Variants in DDX54 observed in about 807,000 individuals in gnomAD.
The protein encoded by DDX54 is DEAD-box helicase 54, also known as ATP-dependent RNA helicase DDX54.
DDX54 carries 67 observed loss-of-function variants against 105.5 expected under a neutral mutation model. The observed-to-expected ratio is 0.64, with a 90% confidence interval of 0.52 to 0.78. DDX54 has a LOEUF of 0.78. DDX54 is among the 30% of genes least tolerant of loss of function. The probability of loss-of-function intolerance (pLI) is 0.00; values close to 1 mark genes in which losing one functional copy is unlikely to be tolerated. For missense variants in DDX54, 1,206 were observed against 1,230.5 expected, an observed-to-expected ratio of 0.98 and a Z score of 0.30; for synonymous variants, 514 against 509.9, an observed-to-expected ratio of 1.01 and a Z score of -0.11.
intron 14 of DDX54, among the ~76,000 whole-genome samples, 194 bp downstream of exon 14, chr12:113,165,450 G>T (rs1046815362): frequency 6.6e-6 from 1 of 152,094 alleles, no homozygotes; most frequent in African/African-American, 2.4e-5. Flanking sequence ...GAGGTTGTCA[G>T]AGCCAAGGCT....
At chr12:113,184,238 G>A (rs560868388) in intron 1 of DDX54, among the ~76,000 whole-genome samples, 1 of 151,974 alleles carries the variant, frequency 6.6e-6, no homozygotes, top group African/African-American at 2.4e-5. Flanking sequence ...GAGCCACCGC[G>A]GCCATCCTAA....
chr12:113,168,073 T>C (rs185430558), intron 12 of DDX54: 4,665 of 398,620 alleles, frequency 0.012, 56 homozygotes, highest in Middle Eastern at 0.031. Context: ...CTCCAGTGAC[T>C]GCACAGGCCG....
chr12:113,171,171 C>A (rs1307541178), intron 11 of DDX54, among the ~76,000 whole-genome samples: 1 of 152,172 alleles, frequency 6.6e-6, no homozygotes, highest in Non-Finnish European at 1.5e-5. Context: ...CAGACAGCAA[C>A]AAGGGGGAAG....
At chr12:113,176,672 T>C (rs1952407457) in intron 7 of DDX54, among the ~76,000 whole-genome samples, 168 bp downstream of exon 7, 1 of 152,214 alleles carries the variant, frequency 6.6e-6, no homozygotes, top group South Asian at 2.1e-4. Flanking sequence ...GCCCCAGAGA[T>C]GAGCTCCAGC....
At position 113,163,468 on chromosome 12, in the gene DDX54, C is replaced by T. The variant is rs548502883; in HGVS notation, c.1939-194G>A. Reference sequence around the variant, plus strand: ...CCCTCAGTTTCCTCATCTGCACACACAGTGCAACCCCTGCCTCAGGGACCA... The same window carrying T: ...CCCTCAGTTTCCTCATCTGCACACATAGTGCAACCCCTGCCTCAGGGACCA... On this transcript the variant is annotated intron_variant, in intron 15 of 19. Coordinates refer to ENST00000306014, the MANE Select transcript of DDX54 (RefSeq NM_024072.4). This position sits in a 1 kb window ranked among gnomAD's most constrained non-coding sequence, Gnocchi z 5.9. 4.6e-5 allele frequency among the ~76,000 whole-genome samples: 7 copies of T among 152,302 alleles called. No homozygotes were observed. The highest frequency in any genetic ancestry group is 1.4e-4 in the African/African-American group (6 of 41,560).
chr12:113,159,322 C>A, intron 19 of DDX54: 1 of 553,162 alleles, frequency 1.8e-6, no homozygotes, highest in Non-Finnish European at 3.1e-6. Context: ...GGTTCAAATC[C>A]CAGCTGTGAC....
chr12:113,179,966 C>T lies in DDX54; in HGVS notation c.344G>A (p.Gly115Glu). 1 of 1,614,124 alleles carries T rather than the reference C, an allele frequency of 6.2e-7. No homozygotes were observed. The highest frequency in any genetic ancestry group is 8.5e-7 in the Non-Finnish European group (1 of 1,180,028). Residue 115 changes from glycine (G) to glutamate (E), a missense_variant, in exon 3 of 20, where the codon GGG becomes GAG. This residue lies in a region of DDX54 where 33 missense variants were observed against 56.0 expected (regional missense o/e 0.59). Coordinates refer to ENST00000306014, the MANE Select transcript of DDX54 (RefSeq NM_024072.4). Reference sequence around the variant, plus strand: ...CTGGATGGGTGTTGGCACCTTGTACCCCTTCTTCATGATGCCTTTGAACAC... The same window carrying T: ...CTGGATGGGTGTTGGCACCTTGTACTCCTTCTTCATGATGCCTTTGAACAC... ...YPVFKGIMKKGYKVPTPIQRK... is the reference protein window; with the variant it reads ...YPVFKGIMKKEYKVPTPIQRK...
chr12:113,173,740 C>T (rs886619078), intron 10 of DDX54, among the ~76,000 whole-genome samples: 2 of 152,174 alleles, frequency 1.3e-5, no homozygotes, highest in Non-Finnish European at 2.9e-5. Context: ...ATGGCAGGGA[C>T]AGGCTTCAAA....
At chr12:113,180,839 C>T in intron 2 of DDX54, 90 bp downstream of exon 2, 1 of 1,587,456 alleles carries the variant, frequency 6.3e-7, no homozygotes, top group African/African-American at 1.4e-5. Context: ...CAGTGCTGGG[C>T]CCAGAGTGGA....
intron 11 of DDX54, among the ~76,000 whole-genome samples, chr12:113,170,630 T>A (rs1469516484): frequency 1.3e-5 from 2 of 152,026 alleles, no homozygotes; most frequent in African/African-American, 4.8e-5. Context: ...CAGAGTGAGA[T>A]CCCGGCCCCC....
intron 10 of DDX54, among the ~76,000 whole-genome samples, chr12:113,173,511 A>T (rs1952362099): frequency 1.3e-5 from 2 of 152,226 alleles, no homozygotes; most frequent in Admixed American, 1.3e-4. Context: ...ACAGGGAGGC[A>T]GGCACCAACG....
chr12:113,174,829 G>A (rs763361046), intron 9 of DDX54, 46 bp downstream of exon 9: 13 of 1,614,184 alleles, frequency 8.1e-6, no homozygotes, highest in Admixed American at 1.7e-5. Flanking sequence ...GGCCTGCAGG[G>A]CCCACCTGGA....
chr12:113,159,061 G>C lies in DDX54; in HGVS notation c.2462C>G (p.Pro821Arg). 6.2e-7 allele frequency: 1 copy of C among 1,608,790 alleles called. No homozygotes were observed. Among genetic ancestry groups the C allele is most frequent in the Non-Finnish European group, 8.5e-7 (1 of 1,178,118 alleles). Residue 821 changes from proline to arginine, a missense_variant, in exon 20 of 20, where the codon CCG (proline) becomes CGG (arginine). By Grantham distance (103) the Pro-to-Arg change is moderately radical. Transcript: ENST00000306014. The part of the protein sequence containing the change: ...APGTPAGRVR[P>R]ELKTKQQILK... ...GATCTGCTGCTTGGTCTTGAGTTCC[G>C]GGCGGACTCGGCCTGCAGGGGTGCC...
rs1190083593 is a variant in DDX54, at chr12:113,163,056, A to G, written c.2082-11T>C. ...CCGCTGATGCTCAGGCTGCAGAGGG[A>G]GAGTGGGAGACATAATTGGATTGAT... On this transcript the variant is annotated splice_polypyrimidine_tract_variant and intron_variant, in intron 16 of 19. Coordinates refer to ENST00000306014, the MANE Select transcript of DDX54 (RefSeq NM_024072.4). This position sits in a 1 kb window ranked among gnomAD's most constrained non-coding sequence, Gnocchi z 5.9. 2 of 1,608,322 alleles carry G rather than the reference A, an allele frequency of 1.2e-6. No individual in the cohort carries two copies. Among genetic ancestry groups the G allele is most frequent in the African/African-American group, 1.3e-5 (1 of 74,858 alleles).
chr12:113,182,054 G>A (rs1289077890), intron 1 of DDX54, among the ~76,000 whole-genome samples: 1 of 151,780 alleles, frequency 6.6e-6, no homozygotes, highest in African/African-American at 2.4e-5. Context: ...AAACTTACAA[G>A]GTATCTACTA....
chr12:113,184,399 C>T (rs1373821020), intron 1 of DDX54, among the ~76,000 whole-genome samples: 2 of 152,152 alleles, frequency 1.3e-5, no homozygotes, highest in Non-Finnish European at 2.9e-5. Flanking sequence ...TATTTCTTAA[C>T]CCTCTAGGCC....
chr12:113,185,392 C>T lies in DDX54; in HGVS notation c.60G>A (p.Trp20Ter). ...GPRSRAAMAQ[W>*]RKKKGLRKRR... is the part of the protein sequence containing the mutation. ...GCTTCCGGAGCCCTTTCTTCTTCCTCCACTGGGCCATGGCAGCTCGCGACC... is the reference window on the plus strand; with the variant it reads ...GCTTCCGGAGCCCTTTCTTCTTCCTTCACTGGGCCATGGCAGCTCGCGACC... The change falls in exon 1 of 20, where the codon TGG becomes TGA. Residue 20 changes from tryptophan (W) to a stop codon, truncating the protein, a stop_gained. Coordinates refer to ENST00000306014, the MANE Select transcript of DDX54 (RefSeq NM_024072.4). LOFTEE classifies it high-confidence loss of function. 1 of 1,560,198 alleles carries T rather than the reference C, an allele frequency of 6.4e-7. No individual in the cohort carries two copies. Among genetic ancestry groups the T allele is most frequent in the Non-Finnish European group, 8.7e-7 (1 of 1,155,656 alleles).
chr12:113,159,519 C>A (rs953696239), intron 19 of DDX54, among the ~76,000 whole-genome samples: 5 of 152,156 alleles, frequency 3.3e-5, no homozygotes, highest in Non-Finnish European at 7.3e-5. Flanking sequence ...TAAAAATTCT[C>A]CAACCAAGGA....
At position 113,166,589 on chromosome 12, in the gene DDX54, A is replaced by G. The variant is rs552259622; in HGVS notation, c.1415-557T>C. ...GGTGGTGTGCCCCTGTAGTCTCTCA[A>G]CTACTCAGGGGGTGAGACAGGAGGA... is the stretch of plus-strand genomic sequence containing the variant. On this transcript the variant is annotated intron_variant, in intron 12 of 19. Coordinates refer to ENST00000306014, the MANE Select transcript of DDX54 (RefSeq NM_024072.4). Among the ~76,000 whole-genome samples the G allele has an allele frequency of 1.2e-4, 18 of 152,214 alleles. 1 individual carries two copies. The South Asian group carries it at 3.1e-3, about 26-fold the overall frequency.
Sources: allele counts gnomAD v4.1 joint callset (sites outside exome capture counted in the v4.1 genomes callset), GRCh38; gene constraint gnomAD v4.1.1; regional missense constraint gnomAD v4.1.1; non-coding constraint Gnocchi (gnomAD v3.1); transcripts MANE v1.5; gene names NCBI Gene and HGNC (gene_info 2026-07-23, HGNC 2026-07-21).